ZC3H13: variants seen among roughly 807,000 people sequenced by gnomAD.
The protein encoded by ZC3H13 is zinc finger CCCH-type containing 13.
Under a neutral mutation model 204.1 loss-of-function variants are expected in ZC3H13, and 64 were observed. That is an observed-to-expected ratio of 0.31 (90% CI 0.26 to 0.39). ZC3H13 has a LOEUF of 0.39. ZC3H13 is among the 10% of genes least tolerant of loss of function. The pLI is 1.00. For synonymous variants in ZC3H13, 667 were observed against 693.7 expected, an observed-to-expected ratio of 0.96 and a Z score of 0.60; for missense variants, 1,833 against 2,082.7, an observed-to-expected ratio of 0.88 and a Z score of 2.33.
chr13:46,006,305 C>T (rs1215635861), intron 7 of ZC3H13, among the ~76,000 whole-genome samples: 1 of 151,738 alleles, frequency 6.6e-6, no homozygotes, highest in African/African-American at 2.4e-5. Context: ...ACTCTGATCC[C>T]CAAATGCTCA....
At chr13:45,959,976 A>C (rs1254602538) in intron 17 of ZC3H13, among the ~76,000 whole-genome samples, 1 of 151,962 alleles carries the variant, frequency 6.6e-6, no homozygotes, top group Non-Finnish European at 1.5e-5. Flanking sequence ...TTTTGAGATA[A>C]AGTATCTCTC....
intron 5 of ZC3H13, among the ~76,000 whole-genome samples, chr13:46,011,900 A>G (rs2041588132): frequency 6.6e-6 from 1 of 152,144 alleles, no homozygotes; most frequent in South Asian, 2.1e-4. Flanking sequence ...AGCCTTCAAT[A>G]TTTCATGCTG....
At chr13:46,016,618 T>C (rs1250832570) in intron 5 of ZC3H13, among the ~76,000 whole-genome samples, 3 of 152,088 alleles carry the variant, frequency 2.0e-5, no homozygotes, top group South Asian at 2.1e-4. Flanking sequence ...AAGGGGACTA[T>C]GGGAAACTAG....
intron 8 of ZC3H13, among the ~76,000 whole-genome samples, chr13:46,002,187 T>G (rs990336844): frequency 2.6e-5 from 4 of 151,952 alleles, no homozygotes; most frequent in African/African-American, 9.7e-5. Context: ...GAAATGCAAA[T>G]CAAAACCTCA....
intron 4 of ZC3H13, among the ~76,000 whole-genome samples, chr13:46,035,282 A>G (rs1039968376): frequency 7.9e-5 from 12 of 152,174 alleles, no homozygotes; most frequent in African/African-American, 2.9e-4. Flanking sequence ...CTTCCAGTAG[A>G]TTAACTGAGG....
At chr13:46,034,614 G>T (rs1020567690) in intron 4 of ZC3H13, among the ~76,000 whole-genome samples, 1 of 152,142 alleles carries the variant, frequency 6.6e-6, no homozygotes, top group Non-Finnish European at 1.5e-5. Context: ...AAGGCATGAA[G>T]ATATGTTTTC....
chr13:45,962,006 T>C (rs765526706), intron 17 of ZC3H13, among the ~76,000 whole-genome samples: 7 of 152,234 alleles, frequency 4.6e-5, no homozygotes, highest in Non-Finnish European at 1.0e-4. Flanking sequence ...TTAAAAATTA[T>C]ATATGAAATA....
At chr13:45,980,101 A>G in intron 10 of ZC3H13, 97 bp from the exon 11 acceptor site, 2 of 1,022,446 alleles carry the variant, frequency 2.0e-6, no homozygotes, top group South Asian at 4.1e-5. Flanking sequence ...ACTAATATAT[A>G]TATTTAATAT....
chr13:46,039,163 G>A (rs2139104486), intron 4 of ZC3H13, among the ~76,000 whole-genome samples: 1 of 152,286 alleles, frequency 6.6e-6, no homozygotes, highest in South Asian at 2.1e-4. Flanking sequence ...ACGATGCTCA[G>A]TGCCTTTGAG....
chr13:45,975,962 A>C, intron 11 of ZC3H13, 124 bp from the exon 12 acceptor site: 2 of 1,401,148 alleles, frequency 1.4e-6, no homozygotes, highest in Non-Finnish European at 1.9e-6. Context: ...CAAACCAAGT[A>C]GCATATTTAA....
intron 4 of ZC3H13, among the ~76,000 whole-genome samples, chr13:46,031,590 T>G (rs920273025): frequency 6.6e-6 from 1 of 152,002 alleles, no homozygotes; most frequent in Non-Finnish European, 1.5e-5. Flanking sequence ...AATTGAATAA[T>G]AAGAAAACAA....
chr13:46,051,034 C>T (rs1028862468), intron 1 of ZC3H13, among the ~76,000 whole-genome samples: 12 of 152,184 alleles, frequency 7.9e-5, no homozygotes, highest in African/African-American at 2.9e-4. Context: ...GGAAGACTAT[C>T]ATCCACTGAA....
At chr13:46,011,617 A>G (rs974464265) in intron 5 of ZC3H13, 63 bp from the exon 6 acceptor site, 15 of 1,354,150 alleles carry the variant, frequency 1.1e-5, no homozygotes, top group Non-Finnish European at 1.2e-5. Context: ...AAAATCATAC[A>G]GACTTTTTTC....
rs1201448182 is a variant in ZC3H13, at chr13:46,052,582, T to C, written c.-188A>G. Reference sequence around the variant, plus strand: ...CTTGGCTAGCGAGGAGCCCCCGGGATGGCTGAGAAGCAGAACCAACCCGCC... The same window carrying C: ...CTTGGCTAGCGAGGAGCCCCCGGGACGGCTGAGAAGCAGAACCAACCCGCC... On this transcript the variant is annotated 5_prime_UTR_variant, in exon 1 of 19. Transcript: ENST00000679008. 2.5e-6 allele frequency: 1 copy of C among 398,548 alleles called. No homozygotes were observed. The highest frequency in any genetic ancestry group is 4.4e-5 in the Admixed American group (1 of 22,714). 24.7% of individuals were successfully genotyped at this position (398,548 alleles called of 1,614,324 possible).
At chr13:46,031,408 A>C (rs2042889445) in intron 4 of ZC3H13, among the ~76,000 whole-genome samples, 1 of 152,098 alleles carries the variant, frequency 6.6e-6, no homozygotes, top group Non-Finnish European at 1.5e-5. Context: ...ACACATCATC[A>C]AACTATAATC....
intron 10 of ZC3H13, among the ~76,000 whole-genome samples, chr13:45,981,989 G>A (rs1171087791): frequency 6.6e-6 from 1 of 150,612 alleles, no homozygotes; most frequent in Non-Finnish European, 1.5e-5. Context: ...TGCACATTGT[G>A]CACATGTACC....
chr13:46,033,552 C>T (rs1324236677), intron 4 of ZC3H13, among the ~76,000 whole-genome samples: 2 of 152,052 alleles, frequency 1.3e-5, no homozygotes, highest in Non-Finnish European at 2.9e-5. Context: ...CAGTCCAAAT[C>T]TGAATTATTT....
chr13:45,963,668 T>C, intron 17 of ZC3H13, 174 bp downstream of exon 17: 1 of 1,438,032 alleles, frequency 7.0e-7, no homozygotes, highest in Non-Finnish European at 9.1e-7. Flanking sequence ...CTTCTCAAAA[T>C]AAATTTTAAA....
At position 46,020,356 on chromosome 13, in the gene ZC3H13, G is replaced by C. The variant is rs1234957147; in HGVS notation, c.448+93C>G. The stretch of plus-strand genomic sequence containing the variant: ...CAATAAAATGATTCTGAAACGAGAG[G>C]GATCACAGTCGAAAGGTGTTCTGAA... On this transcript the variant is annotated intron_variant, in intron 5 of 18. Transcript: ENST00000679008. 4.6e-6 allele frequency: 4 copies of C among 876,224 alleles called. No homozygotes were observed. The East Asian group carries it at 1.0e-4, about 23-fold the overall frequency. 54.3% of individuals were successfully genotyped at this position (876,224 alleles called of 1,614,324 possible). A position where few individuals can be genotyped will look rare whatever the true frequency, so the allele number is the denominator to read the frequency against.
Sources: allele counts gnomAD v4.1 joint callset (sites outside exome capture counted in the v4.1 genomes callset), GRCh38; gene constraint gnomAD v4.1.1; transcripts MANE v1.5; gene names NCBI Gene and HGNC (gene_info 2026-07-23, HGNC 2026-07-21).